The following LMF1 variants were observed in gnomAD, a reference collection of about 807,000 sequenced individuals.
LMF1 encodes the protein lipase maturation factor 1, also known as transmembrane protein 112.
Under a neutral mutation model 60.6 loss-of-function variants are expected in LMF1, and 68 were observed. The ratio of observed to expected loss-of-function variants is 1.12; its 90% CI spans 0.92 to 1.37. The LOEUF is 1.37. Among genes scored for constraint, LMF1 ranks in the 40% most tolerant of loss-of-function variants. The pLI is 0.00. For synonymous variants in LMF1, 418 were observed against 324.7 expected (o/e 1.29, Z -3.09); for missense variants, 948 against 767.2 (o/e 1.24, Z -2.78).
chr16:970,056 C>G (rs2151496960), intron 1 of LMF1, among the ~76,000 whole-genome samples: 1 of 152,354 alleles, frequency 6.6e-6, no homozygotes, highest in South Asian at 2.1e-4. Context: ...CGGCCAACCA[C>G]ATCCCACAGT....
At chr16:914,405 C>G (rs1017925872) in intron 3 of LMF1, among the ~76,000 whole-genome samples, 8 of 152,120 alleles carry the variant, frequency 5.3e-5, no homozygotes, top group Non-Finnish European at 1.2e-4. Context: ...AGACCGGATG[C>G]TCACTCGTAG....
In LMF1 at chr16:916,962, C is replaced by T. The variant is rs112677067; in HGVS notation, c.515-5883G>A. On this transcript the variant is annotated intron_variant, in intron 3 of 10. Coordinates refer to ENST00000262301, the MANE Select transcript of LMF1 (RefSeq NM_022773.4). Reference sequence around the variant, plus strand: ...CTGGGATCCCCTGAATATTGAGCTCCGGGTCTGTTACGGCTATTTCTCTGC... The same window carrying T: ...CTGGGATCCCCTGAATATTGAGCTCTGGGTCTGTTACGGCTATTTCTCTGC... 3.3e-3 allele frequency among the ~76,000 whole-genome samples: 507 copies of T among 152,284 alleles called. 4 individuals are homozygous for T. The highest frequency in any genetic ancestry group is 0.011 in the African/African-American group (470 of 41,558).
At chr16:934,084 G>A (rs753850871) in intron 3 of LMF1, 160 bp downstream of exon 3, 466 of 1,524,234 alleles carry the variant, frequency 3.1e-4, no homozygotes, top group Non-Finnish European at 3.7e-4. Context: ...GAGGAGGCAC[G>A]GATCAGATCA....
At chr16:854,936 C>T (rs776520628) in intron 10 of LMF1, 29 of 586,406 alleles carry the variant, frequency 4.9e-5, no homozygotes, top group African/African-American at 2.8e-4. Flanking sequence ...GAAGGGCGGA[C>T]GGGGGGCAGC....
At chr16:912,205 G>A (rs1567226935) in intron 3 of LMF1, among the ~76,000 whole-genome samples, 1 of 152,024 alleles carries the variant, frequency 6.6e-6, no homozygotes, top group Admixed American at 6.5e-5. Context: ...GGGAGAGTGC[G>A]GAGGGGATGC....
chr16:875,758 C>T (rs530795706), intron 6 of LMF1, among the ~76,000 whole-genome samples: 6 of 152,274 alleles, frequency 3.9e-5, no homozygotes, highest in East Asian at 1.9e-4. Flanking sequence ...GAACCAGACC[C>T]GAGCCTGGCG....
Position 870,013 on chromosome 16 carries a change from G to A in LMF1, c.1286C>T (p.Ala429Val), listed in dbSNP as rs371223508. The A allele has an allele frequency of 2.9e-5, 47 of 1,612,756 alleles. 1 individual carries two copies. Among genetic ancestry groups the A allele is most frequent in the Middle Eastern group, 1.6e-4 (1 of 6,084 alleles). The change falls in exon 9 of 11, where the codon GCC becomes GTC. Residue 429 changes from alanine (A) to valine (V), a missense_variant. Physicochemically the swap from Ala to Val is moderately conservative, Grantham distance 64. Transcript: ENST00000262301. ...CTCCCACATGGCATCGGGGGCGCTG[G>A]CGTTGGAGCTGGCTGTGCCCTGCAG... ...VILQGTASSNASAPDAMWEDY... is the reference protein window; with the variant it reads ...VILQGTASSNVSAPDAMWEDY...
intron 5 of LMF1, among the ~76,000 whole-genome samples, chr16:889,890 G>C (rs923295245): frequency 1.3e-5 from 2 of 152,196 alleles, no homozygotes; most frequent in Non-Finnish European, 2.9e-5. Context: ...TGAGGTGAGA[G>C]GGGGGATGCA....
At position 897,949 on chromosome 16, in the gene LMF1, A is replaced by T. The variant is rs965710543; in HGVS notation, c.664-4877T>A. Among the ~76,000 whole-genome samples, 1 of 152,236 alleles carries T rather than the reference A, an allele frequency of 6.6e-6. No individual in the cohort carries two copies. Among genetic ancestry groups the T allele is most frequent in the African/African-American group, 2.4e-5 (1 of 41,470 alleles). On this transcript the variant is annotated intron_variant, in intron 4 of 10. Coordinates refer to ENST00000262301, the MANE Select transcript of LMF1 (RefSeq NM_022773.4). The surrounding 1 kb of genome is among the most constrained non-coding windows in gnomAD (Gnocchi z 4.3). ...GACTTCCTTGTGGCACAGCTGCACC[A>T]GGAGCTGTGTACATGGCAGGCATCC...
chr16:947,431 A>C (rs945714187), intron 2 of LMF1: 1 of 455,030 alleles, frequency 2.2e-6, no homozygotes, highest in Admixed American at 2.4e-5. Context: ...CATGCTGTTC[A>C]TCGTCAGTGA....
At chr16:915,118 C>T (rs1464731095) in intron 3 of LMF1, among the ~76,000 whole-genome samples, 1 of 152,306 alleles carries the variant, frequency 6.6e-6, no homozygotes, top group Admixed American at 6.5e-5. Context: ...TGTTTTAATA[C>T]CACTGATTTA....
At position 956,066 on chromosome 16, in the gene LMF1, C is replaced by T. The variant is rs558838999; in HGVS notation, c.194-1400G>A. On this transcript the variant is annotated intron_variant, in intron 1 of 10. Transcript: ENST00000262301. Reference sequence around the variant, plus strand: ...ACGTCTCACGGCGCCCACCGCACGACGGCTCTCTCACATCCACAGGTCTCC... The same window carrying T: ...ACGTCTCACGGCGCCCACCGCACGATGGCTCTCTCACATCCACAGGTCTCC... Among the ~76,000 whole-genome samples, 18 of 113,464 alleles carry T rather than the reference C, an allele frequency of 1.6e-4. 1 individual carries two copies. The highest frequency in any genetic ancestry group is 2.9e-4 in the Non-Finnish European group (17 of 58,668). 74.4% of individuals were successfully genotyped at this position (113,464 alleles called of 152,430 possible). A position where few individuals can be genotyped will look rare whatever the true frequency, so the allele number is the denominator to read the frequency against.
intron 2 of LMF1, among the ~76,000 whole-genome samples, chr16:949,390 G>A (rs199671119): frequency 0.016 from 2,332 of 144,752 alleles, no homozygotes; most frequent in Admixed American, 0.025. Flanking sequence ...CAGAGTCAGA[G>A]ACAACGACAG....
chr16:963,991 G>A (rs554512954), intron 1 of LMF1: 34 of 454,942 alleles, frequency 7.5e-5, no homozygotes, highest in South Asian at 4.2e-4. Flanking sequence ...TACCCCACAC[G>A]GGAGGCAGCA....
At chr16:915,573 TCTGGGCTGGG>T (rs1009980868) in intron 3 of LMF1, among the ~76,000 whole-genome samples, 1 of 151,516 alleles carries the variant, frequency 6.6e-6, no homozygotes, top group African/African-American at 2.4e-5. Flanking sequence ...TGGCGGCTGC[TCTGGGCTGGG>T]CTGGGCAGCC....
intron 1 of LMF1, among the ~76,000 whole-genome samples, chr16:957,257 A>G (rs781632905): frequency 3.2e-4 from 48 of 152,230 alleles, no homozygotes; most frequent in Non-Finnish European, 6.2e-4. Flanking sequence ...GCGGCTTCCT[A>G]CTGCGTGTAG....
rs1191209155 is a variant in LMF1 at position 869,654 on chromosome 16, T to C, written c.1416+229A>G. ...GGCTGGGATTCCTGGCATGAGACAC[T>C]ACCTGGCAGACCCGGGGGGACGGTG... On this transcript the variant is annotated intron_variant, in intron 9 of 10. Coordinates refer to ENST00000262301, the MANE Select transcript of LMF1 (RefSeq NM_022773.4). 5 of 656,240 alleles carry C rather than the reference T, an allele frequency of 7.6e-6. No homozygotes were observed. The East Asian group carries it at 1.1e-4, about 14-fold the overall frequency. The allele number at this position is 656,240 out of a possible 1,614,324, so 40.7% of individuals were successfully genotyped here.
upstream of LMF1, among the ~76,000 whole-genome samples, chr16:974,769 C>T (rs2073104220): frequency 6.6e-6 from 1 of 152,250 alleles, no homozygotes; most frequent in African/African-American, 2.4e-5. Flanking sequence ...CCCCAGCACC[C>T]CGGCCTGGCA....
chr16:942,737 A>C (rs529379142), intron 2 of LMF1, among the ~76,000 whole-genome samples: 1 of 127,320 alleles, frequency 7.9e-6, no homozygotes, highest in Non-Finnish European at 1.7e-5. Flanking sequence ...CTAGTGCTAT[A>C]TGCCCCATTC....
Sources: allele counts gnomAD v4.1 joint callset (sites outside exome capture counted in the v4.1 genomes callset), GRCh38; gene constraint gnomAD v4.1.1; non-coding constraint Gnocchi (gnomAD v3.1); transcripts MANE v1.5; gene names NCBI Gene and HGNC (gene_info 2026-07-23, HGNC 2026-07-21).